The following PTPRH variants were observed in gnomAD, a reference collection of about 807,000 sequenced individuals.
The protein encoded by PTPRH is receptor-type tyrosine-protein phosphatase H.
Under a neutral mutation model 130.2 loss-of-function variants are expected in PTPRH, and 113 were observed. The ratio of observed to expected loss-of-function variants is 0.87; its 90% CI spans 0.75 to 1.01. The LOEUF is 1.01. Among genes scored for constraint, PTPRH ranks in the 50% least tolerant of loss-of-function variants. The probability of loss-of-function intolerance (pLI) is 0.00; values close to 1 mark genes in which losing one functional copy is unlikely to be tolerated. For synonymous variants in PTPRH, 556 were observed against 577.9 expected (o/e 0.96, Z 0.54); for missense variants, 1,430 against 1,425.0 (o/e 1.00, Z -0.06).
chr19:55,196,409 T>C (rs910648012), intron 10 of PTPRH, 113 bp downstream of exon 10: 23 of 1,315,882 alleles, frequency 1.7e-5, no homozygotes, highest in South Asian at 4.3e-5. Context: ...ATAAAAAAGA[T>C]GTTTCAAAGG....
rs1600039587 is a variant in PTPRH at position 55,196,788 on chromosome 19, T to G, written c.1991A>C (p.Tyr664Ser). ...GGAAGTGATGGTGACTGTGTCTGGG[T>G]CTGGGTGAAGGAAGCAAGAGGTCAG... ...SSTQSLCASTYPDTVTITSCV... is the reference protein window; with the variant it reads ...SSTQSLCASTSPDTVTITSCV... Residue 664 changes from tyrosine (Y) to serine (S), a missense_variant and splice_region_variant, in exon 10 of 20, where the codon TAC becomes TCC. By Grantham distance (144) the Tyr-to-Ser change is moderately radical. Transcript: ENST00000376350. The G allele has an allele frequency of 3.1e-6, 5 of 1,611,148 alleles. No individual in the cohort carries two copies. The highest frequency in any genetic ancestry group is 4.2e-6 in the Non-Finnish European group (5 of 1,177,566).
intron 10 of PTPRH, among the ~76,000 whole-genome samples, chr19:55,193,225 CT>C (rs2086592399): frequency 7.9e-6 from 1 of 127,154 alleles, no homozygotes; most frequent in African/African-American, 3.0e-5. Flanking sequence ...GAGACTCTGT[CT>C]CAAAAAAAAA....
Position 55,190,568 on chromosome 19 carries a change from CATATA to C in PTPRH, c.2384+928_2384+932del, listed in dbSNP as rs1442240596. Among the ~76,000 whole-genome samples, 41 of 128,616 alleles carry C rather than the reference CATATA, an allele frequency of 3.2e-4. No individual in the cohort carries two copies. The East Asian group carries it at 3.8e-3, about 12-fold the overall frequency. The allele number at this position is 128,616 out of a possible 152,430, so 84.4% of individuals were successfully genotyped here. A position where few individuals can be genotyped will look rare whatever the true frequency, so the allele number is the denominator to read the frequency against. On this transcript the variant is annotated intron_variant, in intron 12 of 19. Coordinates refer to ENST00000376350, the MANE Select transcript of PTPRH (RefSeq NM_002842.5). Reference sequence around the variant, plus strand: ...AATATATAATATATTATATATATAACATATAATATATTATATATTATAAATTTATA... The same window carrying C: ...AATATATAATATATTATATATATAACATATATTATATATTATAAATTTATA...
At position 55,201,560 on chromosome 19, in the gene PTPRH, T is replaced by C. The variant is rs150875855; in HGVS notation, c.1153+496A>G. On this transcript the variant is annotated intron_variant, in intron 6 of 19. Coordinates refer to ENST00000376350, the MANE Select transcript of PTPRH (RefSeq NM_002842.5). ...AATTTGCAGTTTCATGCAACTTTAA[T>C]GAGTTTAAATTTAATAGCCACGTGT... is the stretch of plus-strand genomic sequence containing the variant. 8.5e-3 allele frequency among the ~76,000 whole-genome samples: 1,298 copies of C among 152,324 alleles called. 10 individuals are homozygous for C. Among genetic ancestry groups the C allele is most frequent in the African/African-American group, 0.028 (1,173 of 41,562 alleles).
At chr19:55,187,319 T>G (rs1209476037) in intron 14 of PTPRH, among the ~76,000 whole-genome samples, 194 bp downstream of exon 14, 1 of 100,646 alleles carries the variant, frequency 9.9e-6, no homozygotes, top group African/African-American at 4.5e-5. Context: ...CACTCCAGCC[T>G]GGGTGACAGA....
intron 1 of PTPRH, 61 bp from the exon 2 acceptor site, chr19:55,207,260 C>A: frequency 1.3e-6 from 2 of 1,571,574 alleles, no homozygotes; most frequent in Non-Finnish European, 1.7e-6. Flanking sequence ...CCAGTGAGGC[C>A]GAGGGGCTGG....
Position 55,186,503 on chromosome 19 carries a change from C to T in PTPRH, c.2604G>A (p.Glu868=), listed in dbSNP as rs753317700. ...WSRVPLKPIH[E]EPGSDYINAS... ...CATTGATGTAGTCAGAGCCTGGCTC[C>T]TCATGGATGGGCTTCAGGGGCACCC... is the stretch of plus-strand genomic sequence containing the variant. The change falls in exon 15 of 20, where the codon GAG becomes GAA. Residue 868 remains glutamate (E), a synonymous_variant. Transcript: ENST00000376350. 1 of 1,614,214 alleles carries T rather than the reference C, an allele frequency of 6.2e-7. No homozygotes were observed. Among genetic ancestry groups the T allele is most frequent in the Admixed American group, 1.7e-5 (1 of 60,018 alleles).
rs750842222 is a variant in PTPRH at position 55,196,642 on chromosome 19, C to G, written c.2137G>C (p.Gly713Arg). The G allele has an allele frequency of 2.5e-6, 4 of 1,613,980 alleles. No homozygotes were observed. The highest frequency in any genetic ancestry group is 3.4e-6 in the Non-Finnish European group (4 of 1,180,030). Reference protein sequence around the residue: ...QRGSQDRSSCGEAVSVLGLGP... With the variant: ...QRGSQDRSSCREAVSVLGLGP... ...AGACCCAACACAGACACAGCCTCCC[C>G]ACATGAAGATCTGTCCTGGGAGCCC... is the stretch of plus-strand genomic sequence containing the variant. The change falls in exon 10 of 20, where the codon GGG (glycine) becomes CGG (arginine). Residue 713 changes from glycine (G) to arginine (R), a missense_variant. Transcript: ENST00000376350.
At chr19:55,198,588 T>C in intron 8 of PTPRH, 55 bp downstream of exon 8, 1 of 1,490,128 alleles carries the variant, frequency 6.7e-7, no homozygotes, top group Non-Finnish European at 9.0e-7. Flanking sequence ...AGTCCTTTCA[T>C]CTTTTTCCTT....
At chr19:55,190,134 G>A (rs1485441981) in intron 12 of PTPRH, among the ~76,000 whole-genome samples, 5 of 152,016 alleles carry the variant, frequency 3.3e-5, no homozygotes, top group Non-Finnish European at 7.4e-5. Context: ...ACTCTGGGAG[G>A]CCGAGGCAGG....
At chr19:55,195,183 G>C (rs752274147) in intron 10 of PTPRH, among the ~76,000 whole-genome samples, 10 of 152,124 alleles carry the variant, frequency 6.6e-5, no homozygotes, top group Non-Finnish European at 1.3e-4. Context: ...AAGTTAGCTG[G>C]GCGTGGTAGG....
chr19:55,181,939 C>G, intron 19 of PTPRH, 36 bp from the exon 20 acceptor site: 3 of 1,613,994 alleles, frequency 1.9e-6, no homozygotes, highest in South Asian at 1.1e-5. Context: ...GGCGTCCCCC[C>G]AGGTCTGAGC....
chr19:55,189,634 A>G lies in PTPRH; in HGVS notation c.2385-1466T>C, dbSNP rs575586911. ...CTCCCACTTGCGTAGGCCTGTACTC[A>G]GATGACTTCCTCTTAGTCATCTTGT... On this transcript the variant is annotated intron_variant, in intron 12 of 19. Coordinates refer to ENST00000376350, the MANE Select transcript of PTPRH (RefSeq NM_002842.5). The G allele has an allele frequency of 1.1e-5, 5 of 455,134 alleles. No individual in the cohort carries two copies. The East Asian group carries it at 2.1e-4, about 19-fold the overall frequency. 28.2% of individuals were successfully genotyped at this position (455,134 alleles called of 1,614,324 possible).
At chr19:55,199,906 GGAAA>G (rs1365116367) in intron 7 of PTPRH, among the ~76,000 whole-genome samples, 9 of 142,452 alleles carry the variant, frequency 6.3e-5, no homozygotes, top group Admixed American at 4.5e-4. Context: ...GAGAAAGGAA[GGAAA>G]GAAAGAAAGG....
intron 8 of PTPRH, among the ~76,000 whole-genome samples, 183 bp downstream of exon 8, chr19:55,198,460 G>A (rs758997658): frequency 6.6e-6 from 1 of 152,180 alleles, no homozygotes; most frequent in African/African-American, 2.4e-5. Flanking sequence ...CCCACAGCTT[G>A]GAAAGCCCTG....
chr19:55,186,456 G>T lies in PTPRH; in HGVS notation c.2643+8C>A, dbSNP rs755837998. ...TGGGCACCCTTTCAATCCCAACCAC[G>T]ACCTTACGGGCATGAAGCTGGCATT... On this transcript the variant is annotated splice_region_variant and intron_variant, in intron 15 of 19. Transcript: ENST00000376350. 1 of 1,612,328 alleles carries T rather than the reference G, an allele frequency of 6.2e-7. No individual in the cohort carries two copies. The highest frequency in any genetic ancestry group is 8.5e-7 in the Non-Finnish European group (1 of 1,179,558).
At chr19:55,200,923 A>G (rs1568919143) in intron 6 of PTPRH, among the ~76,000 whole-genome samples, 1 of 151,822 alleles carries the variant, frequency 6.6e-6, no homozygotes, top group Non-Finnish European at 1.5e-5. Context: ...AGCCTGGGCG[A>G]CACAGCGAGA....
chr19:55,200,760 C>T (rs1445627960), intron 6 of PTPRH, among the ~76,000 whole-genome samples: 1 of 151,504 alleles, frequency 6.6e-6, no homozygotes, highest in Non-Finnish European at 1.5e-5. Context: ...CTGGCTAACA[C>T]GGTGAAACCT....
At position 55,186,302 on chromosome 19, in the gene PTPRH, C is replaced by G. The variant is rs2086322982; in HGVS notation, c.2701G>C (p.Gly901Arg). 1 of 1,613,940 alleles carries G rather than the reference C, an allele frequency of 6.2e-7. No individual in the cohort carries two copies. The highest frequency in any genetic ancestry group is 1.1e-5 in the South Asian group (1 of 91,088). ...TCCCACACCAGGCGCCAGAAGTCAC[C>G]CACTGTCTGTGGCAGGGGACCCTGG... ...ATQGPLPQTVGDFWRLVWEQQ... is the reference protein window; with the variant it reads ...ATQGPLPQTVRDFWRLVWEQQ... The change falls in exon 16 of 20, where the codon GGT (glycine) becomes CGT (arginine). Residue 901 changes from glycine to arginine, a missense_variant. Gly to Arg is a moderately radical substitution (Grantham distance 125, BLOSUM62 -2). Transcript: ENST00000376350.
Sources: allele counts gnomAD v4.1 joint callset (sites outside exome capture counted in the v4.1 genomes callset), GRCh38; gene constraint gnomAD v4.1.1; transcripts MANE v1.5; gene names NCBI Gene and HGNC (gene_info 2026-07-23, HGNC 2026-07-21).